RNF212: variants seen among roughly 807,000 people sequenced by gnomAD.
The protein encoded by RNF212 is probable E3 SUMO-protein ligase RNF212.
Under a neutral mutation model 34.7 loss-of-function variants are expected in RNF212, and 33 were observed. The ratio of observed to expected loss-of-function variants is 0.95; its 90% confidence interval spans 0.72 to 1.27. The LOEUF (loss-of-function observed/expected upper bound fraction) is 1.27, where lower values mean the gene tolerates loss of function less well. Among genes scored for constraint, RNF212 ranks in the 50% most tolerant of loss-of-function variants. RNF212 has a pLI of 0.00. For missense variants in RNF212, 377 were observed against 362.2 expected, an observed-to-expected ratio of 1.04 and a Z score of -0.33; for synonymous variants, 140 against 136.1, an observed-to-expected ratio of 1.03 and a Z score of -0.20.
At chr4:1,063,814 C>G (rs1717910290) in intron 3 of RNF212, among the ~76,000 whole-genome samples, 1 of 150,804 alleles carries the variant, frequency 6.6e-6, no homozygotes, top group Admixed American at 6.6e-5. Context: ...GTCCAGGCTG[C>G]AGTGAGCCAT....
chr4:1,089,407 T>C (rs1450047249), intron 4 of RNF212, among the ~76,000 whole-genome samples: 6 of 152,226 alleles, frequency 3.9e-5, no homozygotes, highest in Non-Finnish European at 7.3e-5. Flanking sequence ...ATGCCTGTAC[T>C]CCCATAGTAT....
At chr4:1,113,063 A>AC (rs1168815263) in intron 1 of RNF212, among the ~76,000 whole-genome samples, 56 of 172 alleles carry the variant, frequency 0.33, 4 homozygotes, top group East Asian at 0.64. Context: ...GCGGCCTCTC[A>AC]CCCCCCCATG....
At chr4:1,113,707 C>T (rs1296076752), upstream of RNF212, 4 of 412,086 alleles carry the variant, frequency 9.7e-6, no homozygotes, top group East Asian at 1.8e-4. Flanking sequence ...GGCGGAGGAA[C>T]GCACCGCGAG....
intron 5 of RNF212, among the ~76,000 whole-genome samples, chr4:1,083,524 G>T (rs1720685002): frequency 6.6e-6 from 1 of 152,154 alleles, no homozygotes; most frequent in Admixed American, 6.5e-5. Flanking sequence ...TGTAATCCCA[G>T]CTACTCAGGA....
intron 7 of RNF212, among the ~76,000 whole-genome samples, chr4:1,081,093 T>C (rs999420528): frequency 6.6e-6 from 1 of 152,210 alleles, no homozygotes; most frequent in Non-Finnish European, 1.5e-5. Flanking sequence ...CTTAATTTCC[T>C]GTTAGGGCAG....
intron 3 of RNF212, among the ~76,000 whole-genome samples, chr4:1,065,212 G>A (rs1395508788): frequency 2.6e-5 from 4 of 152,310 alleles, no homozygotes. Context: ...AGGCCACACT[G>A]TTTTCCACAG....
At chr4:1,088,824 G>A (rs1393454937) in intron 4 of RNF212, among the ~76,000 whole-genome samples, 2 of 152,232 alleles carry the variant, frequency 1.3e-5, no homozygotes, top group African/African-American at 4.8e-5. Context: ...GCTTCAGAGG[G>A]AGCAAACCCC....
chr4:1,070,961 G>T (rs1334720826), downstream of RNF212, among the ~76,000 whole-genome samples: 1 of 148,396 alleles, frequency 6.7e-6, no homozygotes, highest in South Asian at 2.2e-4. Context: ...AAACTAATTT[G>T]TTTTTTTAAA....
chr4:1,061,611 G>C (rs1289806600), intron 3 of RNF212, among the ~76,000 whole-genome samples: 1 of 152,188 alleles, frequency 6.6e-6, no homozygotes, highest in African/African-American at 2.4e-5. Context: ...GGAGCCTCAG[G>C]GATGCGTGGT....
chr4:1,068,631 T>C (rs1175173172), downstream of RNF212, among the ~76,000 whole-genome samples: 1 of 152,238 alleles, frequency 6.6e-6, no homozygotes. Context: ...CAGTCTCTTA[T>C]TCTCATCCCA....
At position 1,113,340 on chromosome 4, in the gene RNF212, T is replaced by A; in HGVS notation, c.109+16A>T. The A allele has an allele frequency of 1.5e-6, 2 of 1,297,046 alleles. No individual in the cohort carries two copies. 80.3% of individuals were successfully genotyped at this position (1,297,046 alleles called of 1,614,324 possible). On this transcript the variant is annotated intron_variant, in intron 1 of 9. Coordinates refer to ENST00000433731, the MANE Select transcript of RNF212 (RefSeq NM_001131034.4). ...GCTCCCCTCCCCTCTCCAGCCTGCG[T>A]TCGGGAAGCCCTGACCTTTGCCGAG... is the stretch of plus-strand genomic sequence containing the variant.
intron 3 of RNF212, among the ~76,000 whole-genome samples, chr4:1,065,368 G>C (rs1010747215): frequency 2.0e-5 from 3 of 152,214 alleles, no homozygotes; most frequent in African/African-American, 7.2e-5. Flanking sequence ...AAATAATTCT[G>C]AAGTTTGTTT....
chr4:1,112,186 G>C (rs1454805999), intron 1 of RNF212, among the ~76,000 whole-genome samples: 1 of 152,314 alleles, frequency 6.6e-6, no homozygotes, highest in Admixed American at 6.5e-5. Context: ...CAGCCTGGGC[G>C]ACAAAGCTGA....
At chr4:1,093,780 TGG>T (rs1722588657) in intron 3 of RNF212, 8 of 1,536,308 alleles carry the variant, frequency 5.2e-6, no homozygotes, top group Non-Finnish European at 7.0e-6. Context: ...AGGGTCCTGC[TGG>T]GATGGAGCAG....
intron 2 of RNF212, among the ~76,000 whole-genome samples, chr4:1,098,723 G>A (rs374004263): frequency 1.3e-5 from 2 of 152,008 alleles, no homozygotes; most frequent in African/African-American, 2.4e-5. Flanking sequence ...GTCTCCCTAC[G>A]TATAAAACAG....
chr4:1,064,315 G>A (rs1276387021), intron 3 of RNF212, among the ~76,000 whole-genome samples: 3 of 152,262 alleles, frequency 2.0e-5, no homozygotes, highest in Non-Finnish European at 4.4e-5. Context: ...ACCTCAGTGA[G>A]TGTTCACTGT....
rs61735730 is a variant in RNF212, at chr4:1,057,240, G to C, written n.221-737C>G. 1.1e-3 allele frequency among the ~76,000 whole-genome samples: 163 copies of C among 152,286 alleles called. 2 individuals are homozygous for C. The highest frequency in any genetic ancestry group is 3.8e-3 in the African/African-American group (157 of 41,550). The stretch of plus-strand genomic sequence containing the variant: ...CCAGGCCAGCGGGGACGGGAGGTGG[G>C]GGCGTGAGAGAACGCTGAGGCCTGC... On this transcript the variant is annotated intron_variant and non_coding_transcript_variant, in intron 4 of 4. Coordinates refer to the RNF212 transcript ENST00000503206.
chr4:1,104,537 A>G, intron 2 of RNF212, among the ~76,000 whole-genome samples: 1 of 152,176 alleles, frequency 6.6e-6, no homozygotes, highest in East Asian at 1.9e-4. Context: ...GCATTTCAGC[A>G]TGGGAAGGTA....
At chr4:1,093,577 G>A in intron 3 of RNF212, 1 of 1,132,622 alleles carries the variant, frequency 8.8e-7, no homozygotes, top group Non-Finnish European at 1.2e-6. Context: ...AGAGGCACGA[G>A]AGGCAGAGCA....
Sources: gnomAD v4.1 joint callset for allele counts (sites outside exome capture counted in the v4.1 genomes callset) on GRCh38, gnomAD v4.1.1 for gene constraint, MANE v1.5 for transcripts, NCBI Gene and HGNC (gene_info 2026-07-23, HGNC 2026-07-21) for gene names.